Variants in CHD1L observed in about 807,000 individuals in gnomAD.
CHD1L encodes the protein chromodomain helicase DNA binding protein 1 like.
In CHD1L, 118 loss-of-function variants were observed where a neutral mutation model predicts 115.9. The ratio of observed to expected loss-of-function variants is 1.02; its 90% CI spans 0.88 to 1.19. The LOEUF is 1.19. Ranked by LOEUF, CHD1L falls within the 50% of genes most tolerant of loss-of-function variation. The pLI, the probability that CHD1L is intolerant of heterozygous loss-of-function variation, is 0.00. For missense variants in CHD1L, 1,179 were observed against 1,065.3 expected (o/e 1.11, Z -1.49); for synonymous variants, 411 against 387.1 (o/e 1.06, Z -0.72).
the CHD1L span, among the ~76,000 whole-genome samples, chr1:147,235,099 G>GTA: frequency 8.0e-5 from 12 of 150,868 alleles, no homozygotes; most frequent in African/African-American, 2.5e-4. Flanking sequence ...GTGTGTGTGT[G>GTA]TGTGTGTGTG....
chr1:147,173,433 GTTAGTC>G, the CHD1L span: 1 of 152,250 alleles, frequency 6.6e-6, no homozygotes, highest in Admixed American at 6.5e-5. Context: ...TTAGTAAAAT[GTTAGTC>G]TTAGGAGAAG....
chr1:147,177,450 A>G, the CHD1L span, among the ~76,000 whole-genome samples: 1 of 152,320 alleles, frequency 6.6e-6, no homozygotes, highest in South Asian at 2.1e-4. Context: ...CCTCGAGAAG[A>G]TGGAACATAA....
At chr1:147,265,202 GC>G (rs1673422053) in intron 7 of CHD1L, among the ~76,000 whole-genome samples, 1 of 152,056 alleles carries the variant, frequency 6.6e-6, no homozygotes, top group African/African-American at 2.4e-5. Flanking sequence ...GTTTGAGGGG[GC>G]TTCTCATAGC....
At chr1:147,213,170 C>T in the CHD1L span, 70 of 726,826 alleles carry the variant, frequency 9.6e-5, no homozygotes, top group African/African-American at 1.3e-3. Flanking sequence ...CCCCAACATC[C>T]TTCTGGGGAA....
intron 8 of CHD1L, 101 bp from the exon 9 acceptor site, chr1:147,267,325 A>G: frequency 1.3e-6 from 1 of 764,122 alleles, no homozygotes; most frequent in Admixed American, 2.6e-5. Flanking sequence ...AAAGGATATA[A>G]TTGAAATGAT....
chr1:147,213,494 AG>A, the CHD1L span: 11 of 1,573,056 alleles, frequency 7.0e-6, no homozygotes, highest in Non-Finnish European at 9.5e-6. Context: ...TGATAACCAC[AG>A]GGGACATCCC....
chr1:147,275,790 A>AAC (rs1414192967), intron 13 of CHD1L, among the ~76,000 whole-genome samples: 12 of 151,480 alleles, frequency 7.9e-5, no homozygotes, highest in Non-Finnish European at 1.3e-4. Context: ...GCTAAAAAAA[A>AAC]AAAAAAGAAA....
At chr1:147,229,227 A>G in the CHD1L span, among the ~76,000 whole-genome samples, 13 of 152,142 alleles carry the variant, frequency 8.5e-5, no homozygotes, top group Admixed American at 3.3e-4. Context: ...TTCTACATAC[A>G]GCTAGCCCGT....
rs587619703 is a variant in CHD1L at position 147,256,424 on chromosome 1, G to A, written c.463-107G>A. Reference sequence around the variant, plus strand: ...ACTTTTTTTTACTTAGTGAACAAATGAGACTTAGATAAATCCTATAGTTTA... The same window carrying A: ...ACTTTTTTTTACTTAGTGAACAAATAAGACTTAGATAAATCCTATAGTTTA... On this transcript the variant is annotated intron_variant, in intron 4 of 22. Transcript: ENST00000369258. 5.0e-5 allele frequency: 49 copies of A among 976,986 alleles called. 2 individuals carry two copies. In the South Asian group the frequency reaches 7.5e-4, roughly 15 times the overall value. The allele number at this position is 976,986 out of a possible 1,614,324, so 60.5% of individuals were successfully genotyped here. A position where few individuals can be genotyped will look rare whatever the true frequency, so the allele number is the denominator to read the frequency against.
the CHD1L span, among the ~76,000 whole-genome samples, chr1:147,188,786 T>C: frequency 6.6e-6 from 1 of 151,076 alleles, no homozygotes; most frequent in Non-Finnish European, 1.5e-5. Flanking sequence ...GGTTACATTA[T>C]ATCCTTGGGT....
chr1:147,265,854 T>C (rs894972676), intron 7 of CHD1L, 78 bp from the exon 8 acceptor site: 126 of 1,325,608 alleles, frequency 9.5e-5, no homozygotes, highest in Non-Finnish European at 1.1e-4. Flanking sequence ...CAAAAATAAA[T>C]TTCTTTAAGT....
chr1:147,249,782 T>C (rs2102319297), intron 1 of CHD1L, among the ~76,000 whole-genome samples: 1 of 152,338 alleles, frequency 6.6e-6, no homozygotes, highest in Non-Finnish European at 1.5e-5. Flanking sequence ...TTTCAGCTAT[T>C]ATTTATTTAA....
chr1:147,270,992 T>C lies in CHD1L; in HGVS notation c.1146T>C (p.Tyr382=), dbSNP rs1675972170. 1 of 1,613,974 alleles carries C rather than the reference T, an allele frequency of 6.2e-7. No individual in the cohort carries two copies. The highest frequency in any genetic ancestry group is 8.5e-7 in the Non-Finnish European group (1 of 1,179,868). ...AGATGTTGGATATTCTCCAAGACTA[T>C]ATGGATTACAGAGGTGACACCTTTT... ...MTQMLDILQD[Y]MDYRGYSYER... is the part of the protein sequence containing the mutation. The change falls in exon 11 of 23, where the codon TAT becomes TAC. Residue 382 remains tyrosine (Y), a synonymous_variant. Coordinates refer to ENST00000369258, the MANE Select transcript of CHD1L (RefSeq NM_004284.6).
At chr1:147,279,942 C>A in intron 14 of CHD1L, 84 bp from the exon 15 acceptor site, 2 of 1,414,076 alleles carry the variant, frequency 1.4e-6, no homozygotes, top group South Asian at 1.2e-5. Flanking sequence ...TGCCTGGTGT[C>A]GTTAATCCAC....
the CHD1L span, chr1:147,204,211 C>T: frequency 1.4e-6 from 2 of 1,385,372 alleles, no homozygotes; most frequent in Admixed American, 3.3e-5. Context: ...GACAAGAGTA[C>T]ACTGCTATTT....
chr1:147,245,856 G>T (rs763580254), intron 1 of CHD1L, among the ~76,000 whole-genome samples: 66 of 151,988 alleles, frequency 4.3e-4, no homozygotes, highest in Non-Finnish European at 5.9e-4. Context: ...AATACGGAAG[G>T]ATCCCATGTA....
chr1:147,191,850 G>T, the CHD1L span, among the ~76,000 whole-genome samples: 1 of 152,014 alleles, frequency 6.6e-6, no homozygotes, highest in East Asian at 1.9e-4. Context: ...TGAGGGCTCT[G>T]TCCTGTTCCA....
the CHD1L span, among the ~76,000 whole-genome samples, chr1:147,219,121 T>G: frequency 6.6e-6 from 1 of 152,214 alleles, no homozygotes; most frequent in East Asian, 1.9e-4. Flanking sequence ...AAATTGAATT[T>G]GGAGACACCA....
intron 14 of CHD1L, 85 bp downstream of exon 14, chr1:147,276,342 A>ACCAGC: frequency 1.0e-6 from 1 of 970,442 alleles, no homozygotes; most frequent in Non-Finnish European, 1.4e-6. Flanking sequence ...ACCAGCACTC[A>ACCAGC]CCCTCTCCCC....
Sources: allele counts gnomAD v4.1 joint callset (sites outside exome capture counted in the v4.1 genomes callset), GRCh38; gene constraint gnomAD v4.1.1; transcripts MANE v1.5; gene names NCBI Gene and HGNC (gene_info 2026-07-23, HGNC 2026-07-21).